Variants in CYP2S1 observed in about 807,000 individuals in gnomAD.
The protein encoded by CYP2S1 is cytochrome P450 2S1.
Under a neutral mutation model 43.5 loss-of-function variants are expected in CYP2S1, and 32 were observed. That is an observed-to-expected ratio of 0.74 (90% CI 0.56 to 0.99). CYP2S1 has a LOEUF of 0.99. Among genes scored for constraint, CYP2S1 ranks in the 50% least tolerant of loss-of-function variants. The pLI is 0.00. For missense variants in CYP2S1, 575 were observed against 673.9 expected (o/e 0.85, Z 1.62); for synonymous variants, 283 against 302.9 (o/e 0.93, Z 0.68).
chr19:41,205,547 G>T (rs2033564657), intron 7 of CYP2S1, among the ~76,000 whole-genome samples: 1 of 148,682 alleles, frequency 6.7e-6, no homozygotes, highest in South Asian at 2.1e-4. Flanking sequence ...TTCTTGACAG[G>T]GTCTCTCTTT....
intron 1 of CYP2S1, 152 bp from the exon 2 acceptor site, chr19:41,194,392 G>A: frequency 9.9e-7 from 1 of 1,007,950 alleles, no homozygotes; most frequent in Non-Finnish European, 1.4e-6. Flanking sequence ...AGAGAACTGA[G>A]CCTCAGCTAT....
intron 5 of CYP2S1, among the ~76,000 whole-genome samples, chr19:41,200,395 T>C (rs8100811): frequency 0.59 from 89,505 of 151,382 alleles, 28,480 homozygotes; most frequent in African/African-American, 0.85. Context: ...TTTTTTGAGA[T>C]GAAGTCTCAC....
At chr19:41,204,526 C>T (rs1233189243) in intron 7 of CYP2S1, among the ~76,000 whole-genome samples, 3 of 152,014 alleles carry the variant, frequency 2.0e-5, no homozygotes, top group Non-Finnish European at 2.9e-5. Flanking sequence ...ACCTTCACTG[C>T]AGAATCAAAC....
intron 2 of CYP2S1, among the ~76,000 whole-genome samples, chr19:41,197,189 C>T (rs867293259): frequency 1.3e-5 from 2 of 151,926 alleles, no homozygotes; most frequent in Non-Finnish European, 1.5e-5. Flanking sequence ...AGCAAGACCT[C>T]GTCTCAATAA....
rs769539360 is a variant in CYP2S1 at position 41,194,630 on chromosome 19, G to C, written c.264G>C (p.Arg88=). 1 of 1,612,384 alleles carries C rather than the reference G, an allele frequency of 6.2e-7. No individual in the cohort carries two copies. Among genetic ancestry groups the C allele is most frequent in the Non-Finnish European group, 8.5e-7 (1 of 1,179,304 alleles). The change falls in exon 2 of 9, where the codon CGG becomes CGC. Residue 88 remains arginine (R), a synonymous_variant. Coordinates refer to ENST00000310054, the MANE Select transcript of CYP2S1 (RefSeq NM_030622.8). ...VVVLVGQEAV[R]EALGGQAEEF... ...TCCTGGTTGGGCAGGAGGCTGTGCG[G>C]GAGGCCCTGGGAGGTCAGGCTGAGG...
In CYP2S1 at chr19:41,193,263, A is replaced by T. The variant is rs373729517; in HGVS notation, c.-2A>T. Reference sequence around the variant, plus strand: ...GAGAGGAGAAGGAGCCGACCTGCCGAGATGGAGGCGACCGGCACCTGGGCG... The same window carrying T: ...GAGAGGAGAAGGAGCCGACCTGCCGTGATGGAGGCGACCGGCACCTGGGCG... On this transcript the variant is annotated 5_prime_UTR_variant, in exon 1 of 9. Coordinates refer to ENST00000310054, the MANE Select transcript of CYP2S1 (RefSeq NM_030622.8). The T allele has an allele frequency of 6.5e-7, 1 of 1,540,932 alleles. No individual in the cohort carries two copies. Among genetic ancestry groups the T allele is most frequent in the Non-Finnish European group, 8.7e-7 (1 of 1,146,752 alleles).
At chr19:41,203,057 G>A (rs187503524) in intron 6 of CYP2S1, among the ~76,000 whole-genome samples, 150 of 151,718 alleles carry the variant, frequency 9.9e-4, no homozygotes, top group African/African-American at 3.5e-3. Context: ...CCAGGATCGC[G>A]CCACTGCACT....
chr19:41,194,530 C>T lies in CYP2S1; in HGVS notation c.178-14C>T. The T allele has an allele frequency of 6.4e-7, 1 of 1,560,380 alleles. No individual in the cohort carries two copies. The highest frequency in any genetic ancestry group is 8.6e-7 in the Non-Finnish European group (1 of 1,157,636). On this transcript the variant is annotated splice_polypyrimidine_tract_variant and intron_variant, in intron 1 of 8. Transcript: ENST00000310054. ...GGTCACAGCACCCTCCTCTTTCTTC[C>T]TCCCTACCCCCAGCTGAGTAAGAAG...
chr19:41,203,328 G>A, intron 6 of CYP2S1, 122 bp from the exon 7 acceptor site: 2 of 1,102,410 alleles, frequency 1.8e-6, no homozygotes, highest in South Asian at 1.9e-5. Flanking sequence ...GAGGGCTGGG[G>A]GACCACTCCT....
chr19:41,199,539 C>T (rs972238054), intron 5 of CYP2S1, among the ~76,000 whole-genome samples: 3 of 150,444 alleles, frequency 2.0e-5, no homozygotes, highest in Non-Finnish European at 4.4e-5. Context: ...CACCACCACA[C>T]CTGGCTAAAT....
At chr19:41,204,789 GTT>G (rs2033541750) in intron 7 of CYP2S1, among the ~76,000 whole-genome samples, 1 of 151,564 alleles carries the variant, frequency 6.6e-6, no homozygotes, top group African/African-American at 2.4e-5. Context: ...GTAGAGATGG[GTT>G]TTCACCATGT....
chr19:41,197,015 G>A (rs2033421200), intron 2 of CYP2S1, among the ~76,000 whole-genome samples: 1 of 152,090 alleles, frequency 6.6e-6, no homozygotes, highest in African/African-American at 2.4e-5. Flanking sequence ...AGACAACGTA[G>A]AGAAACCCCA....
Position 41,207,014 on chromosome 19 carries a change from C to T in CYP2S1, c.*526C>T. On this transcript the variant is annotated 3_prime_UTR_variant, in exon 9 of 9. Transcript: ENST00000310054. The stretch of plus-strand genomic sequence containing the variant: ...CTCATGCTCCCTCTCTTGGCTACAC[C>T]ACTCTCCCAGCCTGTGACCACCGAT... The T allele has an allele frequency of 3.3e-6, 1 of 299,156 alleles. No individual in the cohort carries two copies. Among genetic ancestry groups the T allele is most frequent in the South Asian group, 2.9e-5 (1 of 34,862 alleles). The allele number at this position is 299,156 out of a possible 1,614,324, so 18.5% of individuals were successfully genotyped here.
rs758463157 is a variant in CYP2S1, at chr19:41,206,818, T to G, written c.*330T>G. Reference sequence around the variant, plus strand: ...TGGATCTGCAGCCCACACGTGGGAGTCTGGCTGTCACCTTCACAAGCCACA... The same window carrying G: ...TGGATCTGCAGCCCACACGTGGGAGGCTGGCTGTCACCTTCACAAGCCACA... On this transcript the variant is annotated 3_prime_UTR_variant, in exon 9 of 9. Coordinates refer to ENST00000310054, the MANE Select transcript of CYP2S1 (RefSeq NM_030622.8). 5 of 523,980 alleles carry G rather than the reference T, an allele frequency of 9.5e-6. No individual in the cohort carries two copies. The highest frequency in any genetic ancestry group is 1.8e-5 in the Non-Finnish European group (5 of 271,138). 32.5% of individuals were successfully genotyped at this position (523,980 alleles called of 1,614,324 possible). A position where few individuals can be genotyped will look rare whatever the true frequency, so the allele number is the denominator to read the frequency against.
intron 7 of CYP2S1, 92 bp downstream of exon 7, chr19:41,203,729 A>C: frequency 7.7e-7 from 1 of 1,292,496 alleles, no homozygotes; most frequent in Admixed American, 3.1e-5. Flanking sequence ...CTTTTTCTTG[A>C]TCTTAGTGTC....
intron 6 of CYP2S1, 113 bp from the exon 7 acceptor site, chr19:41,203,337 C>A: frequency 8.1e-7 from 1 of 1,233,684 alleles, no homozygotes; most frequent in Non-Finnish European, 1.1e-6. Flanking sequence ...GGGACCACTC[C>A]TCCCCACCTG....
At chr19:41,199,025 CTG>C (rs1200995087) in intron 5 of CYP2S1, 137 bp downstream of exon 5, 38 of 1,136,530 alleles carry the variant, frequency 3.3e-5, no homozygotes, top group South Asian at 3.2e-5. Flanking sequence ...ATGAGTGTCT[CTG>C]TGCATGTGTG....
chr19:41,204,498 C>T (rs2033536507), intron 7 of CYP2S1, among the ~76,000 whole-genome samples: 1 of 152,070 alleles, frequency 6.6e-6, no homozygotes, highest in East Asian at 1.9e-4. Flanking sequence ...GCAGTTTATG[C>T]AAGCAGCTCC....
chr19:41,194,148 G>T (rs1445510572), intron 1 of CYP2S1, among the ~76,000 whole-genome samples: 1 of 152,098 alleles, frequency 6.6e-6, no homozygotes, highest in African/African-American at 2.4e-5. Context: ...GAGAGATGGG[G>T]CGGATACTCA....
Sources: gnomAD v4.1 joint callset for allele counts (sites outside exome capture counted in the v4.1 genomes callset) on GRCh38, gnomAD v4.1.1 for gene constraint, MANE v1.5 for transcripts, NCBI Gene and HGNC (gene_info 2026-07-23, HGNC 2026-07-21) for gene names.